Variants in CCDC197 observed in about 807,000 individuals in gnomAD.
CCDC197 encodes coiled-coil domain containing 197.
In CCDC197, 24 loss-of-function variants were observed where a neutral mutation model predicts 13.4. The observed-to-expected ratio is 1.80, with a 90% CI of 1.30 to 2.53. CCDC197 has a LOEUF of 2.53. Among genes scored for constraint, CCDC197 ranks in the 30% most tolerant of loss-of-function variants. The pLI, the probability that CCDC197 is intolerant of heterozygous loss-of-function variation, is 0.00. For synonymous variants in CCDC197, 99 were observed against 55.5 expected (o/e 1.78, Z -3.48); for missense variants, 255 against 148.8 (o/e 1.71, Z -3.71).
chr14:93,997,506 G>A lies in CCDC197; in HGVS notation c.-199G>A, dbSNP rs1890354344. 1 of 152,730 alleles carries A rather than the reference G, an allele frequency of 6.5e-6. No homozygotes were observed. The highest frequency in any genetic ancestry group is 6.5e-5 in the Admixed American group (1 of 15,328). The allele number at this position is 152,730 out of a possible 1,614,324, so 9.5% of individuals were successfully genotyped here. On this transcript the variant is annotated 5_prime_UTR_variant, in exon 1 of 7. Transcript: ENST00000636493. Reference sequence around the variant, plus strand: ...ACCGTGTTGAAGCTACTTGTAACTAGACCATTTTCCCAGCTTGACCATGAG... The same window carrying A: ...ACCGTGTTGAAGCTACTTGTAACTAAACCATTTTCCCAGCTTGACCATGAG...
At chr14:93,997,978 C>A in intron 1 of CCDC197, 21 bp from the exon 2 acceptor site, 1 of 625,364 alleles carries the variant, frequency 1.6e-6, no homozygotes, top group Non-Finnish European at 2.9e-6. Context: ...CTTTCTGAAC[C>A]TCTGTCTCCT....
chr14:94,000,422 G>A (rs1351028381), intron 3 of CCDC197, among the ~76,000 whole-genome samples: 1 of 152,112 alleles, frequency 6.6e-6, no homozygotes, highest in Non-Finnish European at 1.5e-5. Flanking sequence ...AGGAGCTATG[G>A]AAACTCCAAA....
At chr14:93,988,793 G>A (rs915494652) in intron 1 of CCDC197, among the ~76,000 whole-genome samples, 2 of 125,272 alleles carry the variant, frequency 1.6e-5, no homozygotes, top group Admixed American at 7.8e-5. Flanking sequence ...GGGATGGGAG[G>A]AGAGCATGGG....
At chr14:93,987,927 C>A (rs1459558391) in intron 1 of CCDC197, among the ~76,000 whole-genome samples, 1 of 99,016 alleles carries the variant, frequency 1.0e-5, no homozygotes, top group African/African-American at 4.0e-5. Flanking sequence ...GGGAGGACAG[C>A]GCGGGAGGGA....
At chr14:93,989,534 A>G (rs1890170052) in intron 1 of CCDC197, among the ~76,000 whole-genome samples, 1 of 152,190 alleles carries the variant, frequency 6.6e-6, no homozygotes, top group South Asian at 2.1e-4. Flanking sequence ...CTTCCTAGGA[A>G]GCCATCAGGA....
intron 5 of CCDC197, among the ~76,000 whole-genome samples, chr14:94,004,297 G>A (rs567008020): frequency 5.3e-5 from 8 of 152,304 alleles, no homozygotes; most frequent in African/African-American, 1.4e-4. Flanking sequence ...ACAGGGCTGC[G>A]CTGGGCACAC....
rs1424679518 is a variant in CCDC197 at position 94,008,859 on chromosome 14, C to A, written c.*47C>A. On this transcript the variant is annotated 3_prime_UTR_variant, in exon 7 of 7. Transcript: ENST00000636493. ...CCATGGCATCACGACCTCTCCTTAC[C>A]TGCCTGCCTCCTTTTCTCACCACCA... 1 of 667,680 alleles carries A rather than the reference C, an allele frequency of 1.5e-6. No individual in the cohort carries two copies. Among genetic ancestry groups the A allele is most frequent in the Non-Finnish European group, 2.8e-6 (1 of 363,086 alleles). The allele number at this position is 667,680 out of a possible 1,614,324, so 41.4% of individuals were successfully genotyped here.
intron 6 of CCDC197, among the ~76,000 whole-genome samples, chr14:94,007,832 C>G (rs1424162557): frequency 6.6e-6 from 1 of 152,168 alleles, no homozygotes; most frequent in African/African-American, 2.4e-5. Flanking sequence ...CCCTGAGGGG[C>G]AGGTCTCTTC....
At chr14:94,009,261 T>C (rs182697444), downstream of CCDC197, among the ~76,000 whole-genome samples, 62 of 152,220 alleles carry the variant, frequency 4.1e-4, no homozygotes, top group African/African-American at 1.0e-3. Context: ...GCAGAGCTAA[T>C]GGGGGTGCTG....
intron 6 of CCDC197, among the ~76,000 whole-genome samples, chr14:94,005,734 ACATTTAGCGTCTGGCTGCTTT>A (rs978452041): frequency 5.3e-5 from 8 of 152,176 alleles, no homozygotes; most frequent in South Asian, 2.1e-4. Context: ...CCAAAAAGAT[ACATTTAGCGTCTGGCTGCTTT>A]CATTTAGCGT....
At chr14:93,993,588 C>T (rs1487461458), upstream of CCDC197, among the ~76,000 whole-genome samples, 1 of 152,212 alleles carries the variant, frequency 6.6e-6, no homozygotes, top group Non-Finnish European at 1.5e-5. Context: ...GAAGGGCCGG[C>T]CTTGGCCCTG....
intron 6 of CCDC197, among the ~76,000 whole-genome samples, chr14:94,006,762 T>G (rs1323575726): frequency 6.6e-6 from 1 of 152,240 alleles, no homozygotes; most frequent in African/African-American, 2.4e-5. Context: ...CATGTTATCT[T>G]TTTACTATCT....
intron 2 of CCDC197, 79 bp from the exon 3 acceptor site, chr14:93,999,504 G>A: frequency 1.3e-6 from 1 of 765,154 alleles, no homozygotes; most frequent in Non-Finnish European, 2.4e-6. Context: ...AGATCACAGA[G>A]GGTGGTCCAG....
Position 94,004,913 on chromosome 14 carries a change from C to T in CCDC197, c.557C>T (p.Pro186Leu). 1.4e-6 allele frequency: 1 copy of T among 703,000 alleles called. No homozygotes were observed. 43.5% of individuals were successfully genotyped at this position (703,000 alleles called of 1,614,324 possible). ...ACCAACATGGCCCGGCAGTGCTGCC[C>T]CTCTGCCCACGGCGTGCCCAAGAGC... ...TITNMARQCC[P>L]SAHGVPKSMD... Residue 186 changes from proline to leucine, a missense_variant, in exon 6 of 7, where the codon CCC becomes CTC. By Grantham distance (98) the Pro-to-Leu change is moderately conservative. Coordinates refer to ENST00000636493, the MANE Select transcript of CCDC197 (RefSeq NM_001351596.2).
In CCDC197 at chr14:93,998,057, C is replaced by G. The variant is rs1461811829; in HGVS notation, c.-75C>G. On this transcript the variant is annotated 5_prime_UTR_variant, in exon 2 of 7. Coordinates refer to ENST00000636493, the MANE Select transcript of CCDC197 (RefSeq NM_001351596.2). ...AAGAGGAAGCTGCGGCTGTGACTGT[C>G]CCTTTTCGGTCTGTCTTCATCCTGC... 1 of 763,014 alleles carries G rather than the reference C, an allele frequency of 1.3e-6. No homozygotes were observed. The highest frequency in any genetic ancestry group is 2.4e-5 in the East Asian group (1 of 40,830). The allele number at this position is 763,014 out of a possible 1,614,324, so 47.3% of individuals were successfully genotyped here.
At chr14:94,001,625 T>C (rs926995553) in intron 4 of CCDC197, 1 of 273,930 alleles carries the variant, frequency 3.7e-6, no homozygotes, top group Admixed American at 5.3e-5. Context: ...GACTAGTTTG[T>C]AGCCTCTCTG....
chr14:94,001,560 C>A, intron 4 of CCDC197: 1 of 419,528 alleles, frequency 2.4e-6, no homozygotes, highest in South Asian at 4.6e-5. Context: ...GCCATGTGTC[C>A]TGGATGCAGA....
chr14:94,000,135 T>C (rs1020664889), intron 3 of CCDC197, among the ~76,000 whole-genome samples: 1 of 152,220 alleles, frequency 6.6e-6, no homozygotes, highest in East Asian at 1.9e-4. Flanking sequence ...TACTGGAAAC[T>C]CATTGGAAAA....
intron 6 of CCDC197, among the ~76,000 whole-genome samples, chr14:94,005,208 G>T (rs953039627): frequency 6.6e-6 from 1 of 152,064 alleles, no homozygotes; most frequent in African/African-American, 2.4e-5. Flanking sequence ...CTTCCCACCT[G>T]GTCTTCATAT....
Sources: gnomAD v4.1 joint callset for allele counts (sites outside exome capture counted in the v4.1 genomes callset) on GRCh38, gnomAD v4.1.1 for gene constraint, MANE v1.5 for transcripts, NCBI Gene and HGNC (gene_info 2026-07-23, HGNC 2026-07-21) for gene names.